The following AGTPBP1 variants were observed in gnomAD, a reference collection of about 807,000 sequenced individuals.
The protein encoded by AGTPBP1 is cytosolic carboxypeptidase 1.
A neutral mutation model predicts 143.9 loss-of-function variants in AGTPBP1; 70 were observed. That is an observed-to-expected ratio of 0.49 (90% CI 0.40 to 0.59). The LOEUF (loss-of-function observed/expected upper bound fraction) is 0.59, where lower values mean the gene tolerates loss of function less well. AGTPBP1 is among the 20% of genes least tolerant of loss of function. The pLI, the probability that AGTPBP1 is intolerant of heterozygous loss-of-function variation, is 0.00. For missense variants in AGTPBP1, 1,229 were observed against 1,464.5 expected (o/e 0.84, Z 2.62); for synonymous variants, 463 against 500.2 (o/e 0.93, Z 0.99).
chr9:85,625,370 C>T (rs1831205884), intron 14 of AGTPBP1, among the ~76,000 whole-genome samples: 1 of 152,262 alleles, frequency 6.6e-6, no homozygotes, highest in South Asian at 2.1e-4. Context: ...TAGATTTTAG[C>T]CAATCTGATA....
chr9:85,594,323 T>A (rs751276614), intron 18 of AGTPBP1, among the ~76,000 whole-genome samples: 2 of 152,186 alleles, frequency 1.3e-5, no homozygotes, highest in Non-Finnish European at 2.9e-5. Context: ...TTAATCTTTA[T>A]CATCTAAATT....
intron 2 of AGTPBP1, among the ~76,000 whole-genome samples, chr9:85,693,535 T>C (rs1836021171): frequency 6.7e-6 from 1 of 149,292 alleles, no homozygotes; most frequent in South Asian, 2.2e-4. Context: ...GAGGCGGAGG[T>C]TGCAGTGAGC....
At chr9:85,789,503 T>C in the AGTPBP1 span, among the ~76,000 whole-genome samples, 2 of 152,192 alleles carry the variant, frequency 1.3e-5, no homozygotes, top group African/African-American at 4.8e-5. Flanking sequence ...ATTTGTAAAG[T>C]ACTAGTTACT....
At chr9:85,721,680 A>G (rs1375192769) in intron 1 of AGTPBP1, among the ~76,000 whole-genome samples, 2 of 152,072 alleles carry the variant, frequency 1.3e-5, no homozygotes, top group Non-Finnish European at 2.9e-5. Context: ...ATTTAAGGTT[A>G]ATATTGTTAT....
At chr9:85,798,637 G>A in the AGTPBP1 span, among the ~76,000 whole-genome samples, 4 of 152,002 alleles carry the variant, frequency 2.6e-5, no homozygotes, top group Admixed American at 6.6e-5. Context: ...CAAAGTGCAG[G>A]GATTACACCA....
intron 2 of AGTPBP1, 76 bp downstream of exon 2, chr9:85,712,426 A>G: frequency 2.9e-6 from 2 of 691,858 alleles, no homozygotes; most frequent in South Asian, 4.9e-5. Flanking sequence ...ATACTTTGTC[A>G]AGTATTGAGT....
intron 6 of AGTPBP1, among the ~76,000 whole-genome samples, chr9:85,675,287 T>C (rs1366511962): frequency 1.3e-5 from 2 of 152,234 alleles, no homozygotes; most frequent in Non-Finnish European, 2.9e-5. Context: ...ACTTGAGTTC[T>C]AGTCAAAGGG....
At chr9:85,725,038 A>G (rs1357378382) in intron 1 of AGTPBP1, among the ~76,000 whole-genome samples, 1 of 152,188 alleles carries the variant, frequency 6.6e-6, no homozygotes, top group Non-Finnish European at 1.5e-5. Context: ...TTAAAAACCA[A>G]AAAGCATTTC....
intron 13 of AGTPBP1, among the ~76,000 whole-genome samples, chr9:85,640,666 A>C (rs775905416): frequency 6.6e-5 from 10 of 152,210 alleles, no homozygotes; most frequent in Non-Finnish European, 1.5e-4. Flanking sequence ...GAAATCATCA[A>C]GGTTAGCCTA....
intron 17 of AGTPBP1, among the ~76,000 whole-genome samples, chr9:85,604,282 CTGTT>C (rs1314406674): frequency 2.0e-5 from 3 of 152,238 alleles, no homozygotes; most frequent in Non-Finnish European, 2.9e-5. Context: ...GAGACAGACT[CTGTT>C]TGGGAGAAAG....
chr9:85,621,412 T>G (rs1248513658), intron 14 of AGTPBP1, 127 bp from the exon 15 acceptor site: 4 of 391,146 alleles, frequency 1.0e-5, no homozygotes, highest in Admixed American at 9.1e-5. Flanking sequence ...TATTCCTCTA[T>G]CTATATATTT....
chr9:85,639,331 G>T (rs1471484610), intron 13 of AGTPBP1, among the ~76,000 whole-genome samples: 1 of 150,068 alleles, frequency 6.7e-6, no homozygotes, highest in Non-Finnish European at 1.5e-5. Context: ...GCCTATCTAT[G>T]CATGCATACA....
chr9:85,588,541 T>C, intron 20 of AGTPBP1, 63 bp from the exon 21 acceptor site: 1 of 1,529,296 alleles, frequency 6.5e-7, no homozygotes, highest in South Asian at 1.2e-5. Context: ...ATATTTTACT[T>C]TGGGGCTTTA....
the AGTPBP1 span, among the ~76,000 whole-genome samples, chr9:85,764,353 A>T: frequency 1.1e-4 from 17 of 151,862 alleles, no homozygotes; most frequent in Admixed American, 1.1e-3. Context: ...ACATGATAAA[A>T]CCCCATCTCT....
intron 25 of AGTPBP1, among the ~76,000 whole-genome samples, chr9:85,573,240 A>G (rs1173309351): frequency 1.4e-5 from 2 of 146,412 alleles, no homozygotes; most frequent in African/African-American, 5.0e-5. Flanking sequence ...AGTGCCTGCC[A>G]TTGCAGGCAC....
At chr9:85,721,625 A>G (rs1365637372) in intron 1 of AGTPBP1, among the ~76,000 whole-genome samples, 1 of 151,446 alleles carries the variant, frequency 6.6e-6, no homozygotes, top group Non-Finnish European at 1.5e-5. Flanking sequence ...TCTTTATCCA[A>G]TTTGCCAGTC....
the AGTPBP1 span, among the ~76,000 whole-genome samples, chr9:85,778,602 G>C: frequency 1.3e-5 from 2 of 152,092 alleles, no homozygotes; most frequent in African/African-American, 4.8e-5. Flanking sequence ...TCAATAAATG[G>C]GCCAGAGTAA....
chr9:85,606,993 G>T (rs1296879932), intron 17 of AGTPBP1, among the ~76,000 whole-genome samples: 2 of 152,032 alleles, frequency 1.3e-5, no homozygotes, highest in South Asian at 4.1e-4. Flanking sequence ...TTCTATAGCA[G>T]AGTTGGGTGA....
chr9:85,718,584 G>A (rs1331301722), intron 1 of AGTPBP1, among the ~76,000 whole-genome samples: 13 of 152,054 alleles, frequency 8.5e-5, no homozygotes, highest in Admixed American at 7.9e-4. Context: ...TTGTCAGATA[G>A]GTAGATTGCA....
Sources: gnomAD v4.1 joint callset for allele counts (sites outside exome capture counted in the v4.1 genomes callset) on GRCh38, gnomAD v4.1.1 for gene constraint, MANE v1.5 for transcripts, NCBI Gene and HGNC (gene_info 2026-07-23, HGNC 2026-07-21) for gene names.